The following LMO7 variants were observed in gnomAD, a reference collection of about 807,000 sequenced individuals.
LMO7 encodes the protein LIM domain 7.
LMO7 carries 120 observed loss-of-function variants against 206.5 expected under a neutral mutation model. That is an observed-to-expected ratio of 0.58 (90% CI 0.50 to 0.68). LMO7 has a LOEUF of 0.68. Ranked by LOEUF, LMO7 falls within the 30% of genes least tolerant of loss-of-function variation. LMO7 has a pLI of 0.00. For synonymous variants in LMO7, 706 were observed against 681.5 expected, an observed-to-expected ratio of 1.04 and a Z score of -0.56; for missense variants, 1,959 against 1,957.9, an observed-to-expected ratio of 1.00 and a Z score of -0.01.
chr13:75,751,783 A>G (rs1053820803), intron 3 of LMO7, among the ~76,000 whole-genome samples: 1 of 152,144 alleles, frequency 6.6e-6, no homozygotes, highest in African/African-American at 2.4e-5. Flanking sequence ...GACCCTGTAC[A>G]CTCAGGAAGT....
Position 75,858,058 on chromosome 13 carries a change from TAAC to T in LMO7, c.*116_*118del. On this transcript the variant is annotated 3_prime_UTR_variant, in exon 31 of 31. Transcript: ENST00000377534. ...TTTGCTTTTTTTTTAAAAAAAAGAA[TAAC>T]TTTTTTTGCCTCTTTAGATTACATA... The T allele has an allele frequency of 7.9e-7, 1 of 1,263,116 alleles. No individual in the cohort carries two copies. The highest frequency in any genetic ancestry group is 1.1e-6 in the Non-Finnish European group (1 of 895,078). The allele number at this position is 1,263,116 out of a possible 1,614,324, so 78.2% of individuals were successfully genotyped here.
upstream of LMO7, among the ~76,000 whole-genome samples, chr13:75,633,296 C>T (rs1468574603): frequency 6.6e-6 from 1 of 152,188 alleles, no homozygotes; most frequent in Non-Finnish European, 1.5e-5. Context: ...TCAGTGGCCT[C>T]CCTTTCAGCA....
chr13:75,759,215 G>T (rs564124423), intron 3 of LMO7, among the ~76,000 whole-genome samples: 4 of 152,294 alleles, frequency 2.6e-5, no homozygotes, highest in Non-Finnish European at 4.4e-5. Context: ...GGCATGCAGG[G>T]ATTACAGGTC....
At chr13:75,684,524 C>T (rs1051155390) in intron 1 of LMO7, among the ~76,000 whole-genome samples, 1 of 145,266 alleles carries the variant, frequency 6.9e-6, no homozygotes, top group Non-Finnish European at 1.5e-5. Context: ...GGATTACAGG[C>T]GTGAGCCACT....
At chr13:75,628,447 G>A (rs1255588414) in intron 2 of LMO7, 1 of 152,070 alleles carries the variant, frequency 6.6e-6, no homozygotes, top group Non-Finnish European at 1.5e-5. Flanking sequence ...ATACCATTAT[G>A]TAAGTACTGA....
intron 17 of LMO7, 52 bp from the exon 18 acceptor site, chr13:75,835,181 T>C (rs1384998279): frequency 6.2e-7 from 1 of 1,604,314 alleles, no homozygotes; most frequent in African/African-American, 1.3e-5. Context: ...TTCCCTGCCA[T>C]TTATACGGCA....
chr13:75,626,563 T>A (rs893652778), intron 2 of LMO7, among the ~76,000 whole-genome samples: 2 of 103,162 alleles, frequency 1.9e-5, no homozygotes, highest in Admixed American at 1.9e-4. Flanking sequence ...TTGTCTACCC[T>A]CTTAACATAT....
intron 1 of LMO7, among the ~76,000 whole-genome samples, chr13:75,658,022 T>A (rs1594103640): frequency 6.6e-6 from 1 of 152,030 alleles, no homozygotes; most frequent in Non-Finnish European, 1.5e-5. Flanking sequence ...TTGTGTGAGG[T>A]ATGAGAAAGT....
chr13:75,626,595 A>ATATATTTTTTTTTTTTTT, intron 2 of LMO7, among the ~76,000 whole-genome samples: 3 of 71,180 alleles, frequency 4.2e-5, no homozygotes, highest in East Asian at 5.9e-4. Flanking sequence ...ATATATATAA[A>ATATATTTTTTTTTTTTTT]TTTTTTTGAG....
chr13:75,753,915 T>C (rs1051351796), intron 3 of LMO7, among the ~76,000 whole-genome samples: 1 of 152,156 alleles, frequency 6.6e-6, no homozygotes, highest in Non-Finnish European at 1.5e-5. Context: ...AAAAAATAAT[T>C]TGAGACAGGT....
chr13:75,823,058 C>G (rs577771792), intron 14 of LMO7, among the ~76,000 whole-genome samples: 16 of 151,928 alleles, frequency 1.1e-4, no homozygotes, highest in Non-Finnish European at 2.1e-4. Flanking sequence ...TATCTGTTGA[C>G]CTGGAGTGAT....
At chr13:75,670,375 G>A (rs943022862) in intron 1 of LMO7, among the ~76,000 whole-genome samples, 12 of 152,222 alleles carry the variant, frequency 7.9e-5, no homozygotes, top group Admixed American at 2.0e-4. Context: ...ACCCTTCTGC[G>A]AAATGTGTCA....
intron 4 of LMO7, among the ~76,000 whole-genome samples, chr13:75,788,437 A>G: frequency 6.9e-6 from 1 of 144,078 alleles, no homozygotes; most frequent in East Asian, 2.1e-4. Context: ...GGGCAAAAAG[A>G]GCAAAACTCT....
chr13:75,648,516 G>A (rs1356216612), intron 1 of LMO7, among the ~76,000 whole-genome samples: 2 of 152,034 alleles, frequency 1.3e-5, no homozygotes, highest in Non-Finnish European at 2.9e-5. Flanking sequence ...CTGTTGTTTG[G>A]CATGTACACA....
chr13:75,830,557 C>T (rs956835555), intron 15 of LMO7, among the ~76,000 whole-genome samples: 2 of 152,138 alleles, frequency 1.3e-5, no homozygotes, highest in African/African-American at 4.8e-5. Flanking sequence ...GTGTTCTGTC[C>T]CAAGGACTAA....
chr13:75,662,654 T>C (rs1315294050), intron 1 of LMO7, among the ~76,000 whole-genome samples: 1 of 152,222 alleles, frequency 6.6e-6, no homozygotes, highest in Non-Finnish European at 1.5e-5. Flanking sequence ...AGTTTTTCTG[T>C]GTGGTCCAAC....
At chr13:75,835,874 T>A (rs1289514771) in intron 18 of LMO7, among the ~76,000 whole-genome samples, 1 of 152,156 alleles carries the variant, frequency 6.6e-6, no homozygotes, top group Non-Finnish European at 1.5e-5. Context: ...AAAGCAATAC[T>A]TTTTCCTGTA....
intron 24 of LMO7, 44 bp from the exon 25 acceptor site, chr13:75,842,807 T>G (rs1328818971): frequency 1.6e-6 from 2 of 1,237,824 alleles, no homozygotes; most frequent in East Asian, 4.6e-5. Context: ...GGGAAGGGCT[T>G]AAAGTCTAAT....
intron 29 of LMO7, among the ~76,000 whole-genome samples, 178 bp downstream of exon 29, chr13:75,855,546 G>A (rs183569859): frequency 2.2e-4 from 33 of 152,250 alleles, no homozygotes; most frequent in African/African-American, 7.9e-4. Context: ...CTTGAACCTT[G>A]TTTTAAAACT....
Sources: allele counts gnomAD v4.1 joint callset (sites outside exome capture counted in the v4.1 genomes callset), GRCh38; gene constraint gnomAD v4.1.1; transcripts MANE v1.5; gene names NCBI Gene and HGNC (gene_info 2026-07-23, HGNC 2026-07-21).